The following STARD9 variants were observed in gnomAD, a reference collection of about 807,000 sequenced individuals.
STARD9 encodes stAR-related lipid transfer protein 9.
In STARD9, 346 loss-of-function variants were observed where a neutral mutation model predicts 399.8. The ratio of observed to expected loss-of-function variants is 0.87; its 90% CI spans 0.79 to 0.95. STARD9 has a LOEUF of 0.95. Among genes scored for constraint, STARD9 ranks in the 40% least tolerant of loss-of-function variants. The probability of loss-of-function intolerance (pLI) is 0.00; values close to 1 mark genes in which losing one functional copy is unlikely to be tolerated. For synonymous variants in STARD9, 2,203 were observed against 2,143.5 expected (o/e 1.03, Z -0.77); for missense variants, 5,832 against 5,667.5 (o/e 1.03, Z -0.93).
intron 6 of STARD9, among the ~76,000 whole-genome samples, chr15:42,638,441 G>A (rs1007301599): frequency 1.3e-5 from 2 of 152,076 alleles, no homozygotes; most frequent in African/African-American, 4.8e-5. Context: ...GGGAGGCGGA[G>A]GTTGCAGTGA....
At chr15:42,601,818 C>G (rs2058637064) in intron 3 of STARD9, among the ~76,000 whole-genome samples, 1 of 152,172 alleles carries the variant, frequency 6.6e-6, no homozygotes. Flanking sequence ...ACATTTTGCT[C>G]TATGGACTCT....
Position 42,719,742 on chromosome 15 carries a change from A to G in STARD9, c.*168A>G. ...TGGCCCAGGGATGCTAGCAAAGCCC[A>G]GTCAGTACTTGGTCACAGCTGGCAC... On this transcript the variant is annotated 3_prime_UTR_variant, in exon 33 of 33. Coordinates refer to ENST00000290607, the MANE Select transcript of STARD9 (RefSeq NM_020759.3). 1 of 595,444 alleles carries G rather than the reference A, an allele frequency of 1.7e-6. No individual in the cohort carries two copies. The highest frequency in any genetic ancestry group is 3.0e-5 in the Admixed American group (1 of 33,658). 36.9% of individuals were successfully genotyped at this position (595,444 alleles called of 1,614,324 possible). A position where few individuals can be genotyped will look rare whatever the true frequency, so the allele number is the denominator to read the frequency against.
intron 15 of STARD9, 144 bp downstream of exon 15, chr15:42,665,992 AC>A (rs2060093759): frequency 2.8e-6 from 2 of 710,394 alleles, no homozygotes; most frequent in African/African-American, 1.8e-5. Flanking sequence ...TTAAGCCTTG[AC>A]CGGGGGATGT....
intron 26 of STARD9, 61 bp from the exon 27 acceptor site, chr15:42,716,610 TCAGAGG>T: frequency 9.8e-7 from 1 of 1,018,858 alleles, no homozygotes; most frequent in Non-Finnish European, 1.5e-6. Flanking sequence ...GAGATGCAGT[TCAGAGG>T]CAGAGGAGAT....
chr15:42,714,353 A>C (rs2061313656), intron 26 of STARD9, among the ~76,000 whole-genome samples: 1 of 152,178 alleles, frequency 6.6e-6, no homozygotes, highest in Non-Finnish European at 1.5e-5. Context: ...GGCGTGAGCC[A>C]TCCCGCCCGG....
intron 3 of STARD9, among the ~76,000 whole-genome samples, chr15:42,633,278 AG>A (rs528091580): frequency 1.2e-3 from 179 of 152,372 alleles, no homozygotes; most frequent in South Asian, 2.7e-3. Flanking sequence ...TTATACCTAA[AG>A]AAACTGAAGT....
Position 42,718,077 on chromosome 15 carries a change from C to G in STARD9, c.13660C>G (p.Arg4554Gly). ...GAGVVSQPLS[R>G]VWAAVSDPTV... ...AGGTGTGGTGTCCCAGCCGCTGTCTCGTGTGTGGGCGGCTGTCAGTGACCC... is the reference window on the plus strand; with the variant it reads ...AGGTGTGGTGTCCCAGCCGCTGTCTGGTGTGTGGGCGGCTGTCAGTGACCC... The change falls in exon 30 of 33, where the codon CGT becomes GGT. Residue 4554 changes from arginine (R) to glycine (G), a missense_variant. By Grantham distance (125) the Arg-to-Gly change is moderately radical. This residue lies in a region of STARD9 where 5,828 missense variants were observed against 5,651.1 expected (regional missense o/e 1.03). Transcript: ENST00000290607. 6.5e-7 allele frequency: 1 copy of G among 1,537,236 alleles called. No individual in the cohort carries two copies. Among genetic ancestry groups the G allele is most frequent in the Non-Finnish European group, 8.7e-7 (1 of 1,146,902 alleles).
intron 3 of STARD9, among the ~76,000 whole-genome samples, chr15:42,593,654 CTTTTTT>C (rs71108170): frequency 1.5e-5 from 1 of 66,890 alleles, no homozygotes; most frequent in South Asian, 7.0e-4. Context: ...GGTTGTGCTT[CTTTTTT>C]TTTTTTTTTT....
At chr15:42,646,157 G>A (rs532371038) in intron 7 of STARD9, among the ~76,000 whole-genome samples, 1 of 151,950 alleles carries the variant, frequency 6.6e-6, no homozygotes, top group South Asian at 2.1e-4. Flanking sequence ...GTGAAACTCC[G>A]TCTCAACAAC....
Position 42,687,754 on chromosome 15 carries a change from A to G in STARD9, c.6176A>G (p.Asn2059Ser). ...ATTAGGAGTGTAATGCAGCTGGAAA[A>G]TGGCATCTTAGAAATTGAATCTAAG... Reference protein sequence around the residue: ...RLIRSVMQLENGILEIESKQN... With the variant: ...RLIRSVMQLESGILEIESKQN... Residue 2059 changes from asparagine to serine, a missense_variant, in exon 23 of 33, where the codon AAT becomes AGT. Asn to Ser is a conservative substitution (Grantham distance 46). Transcript: ENST00000290607. 6.5e-7 allele frequency: 1 copy of G among 1,537,606 alleles called. No homozygotes were observed. Among genetic ancestry groups the G allele is most frequent in the East Asian group, 2.4e-5 (1 of 40,922 alleles).
At chr15:42,644,169 A>T (rs904219005) in intron 7 of STARD9, among the ~76,000 whole-genome samples, 1 of 152,234 alleles carries the variant, frequency 6.6e-6, no homozygotes, top group Non-Finnish European at 1.5e-5. Context: ...GCTATATTTT[A>T]TTAAGTACGA....
chr15:42,616,226 G>T (rs909482795), intron 3 of STARD9, among the ~76,000 whole-genome samples: 1 of 152,240 alleles, frequency 6.6e-6, no homozygotes, highest in African/African-American at 2.4e-5. Context: ...AATGATTTAT[G>T]TGCAAATGAA....
chr15:42,691,598 G>C lies in STARD9; in HGVS notation c.10020G>C (p.Leu3340Phe), dbSNP rs2060704714. The C allele has an allele frequency of 5.2e-6, 8 of 1,537,250 alleles. No homozygotes were observed. Among genetic ancestry groups the C allele is most frequent in the Non-Finnish European group, 7.0e-6 (8 of 1,146,910 alleles). Residue 3340 changes from leucine (L) to phenylalanine (F), a missense_variant, in exon 23 of 33, where the codon TTG becomes TTC. This residue lies in a region of STARD9 where 5,828 missense variants were observed against 5,651.1 expected (regional missense o/e 1.03). Transcript: ENST00000290607. ...GSSRSLQELN[L>F]SVEPPSPTDE... Reference sequence around the variant, plus strand: ...CTCGTTCTCTTCAGGAGCTGAACTTGAGTGTGGAGCCTCCTTCCCCTACAG... The same window carrying C: ...CTCGTTCTCTTCAGGAGCTGAACTTCAGTGTGGAGCCTCCTTCCCCTACAG...
chr15:42,664,548 G>A (rs1331638753), intron 13 of STARD9, among the ~76,000 whole-genome samples: 2 of 151,910 alleles, frequency 1.3e-5, no homozygotes, highest in Non-Finnish European at 2.9e-5. Context: ...AAAAATTTTT[G>A]TAGAAACAAG....
chr15:42,710,908 T>C (rs2061202919), intron 26 of STARD9, among the ~76,000 whole-genome samples: 1 of 124,268 alleles, frequency 8.0e-6, no homozygotes, highest in Non-Finnish European at 1.5e-5. Flanking sequence ...TCTCTCTCTC[T>C]CTCTCTGTGT....
In STARD9 at chr15:42,690,408, A is replaced by G. The variant is rs1566944426; in HGVS notation, c.8830A>G (p.Arg2944Gly). ...PEGSRTLSPS[R>G]GKESRTLPCR... ...AGGCAGCAGGACTCTCAGCCCGTCT[A>G]GAGGGAAAGAGAGCAGAACTCTTCC... is the stretch of plus-strand genomic sequence containing the variant. Residue 2944 changes from arginine (R) to glycine (G), a missense_variant, in exon 23 of 33, where the codon AGA (arginine) becomes GGA (glycine). Around this residue, in one of 2 missense-constraint regions of STARD9, gnomAD observed 5,828 missense variants for 5,651.1 expected, o/e 1.03. Transcript: ENST00000290607. 2 of 1,537,270 alleles carry G rather than the reference A, an allele frequency of 1.3e-6. No individual in the cohort carries two copies. The highest frequency in any genetic ancestry group is 4.9e-5 in the East Asian group (2 of 40,922).
chr15:42,596,431 G>T (rs1185619746), intron 3 of STARD9, among the ~76,000 whole-genome samples: 1 of 152,154 alleles, frequency 6.6e-6, no homozygotes, highest in Non-Finnish European at 1.5e-5. Flanking sequence ...TGATTACTTT[G>T]AGAGTCTTTG....
rs61712813 is a variant in STARD9 at position 42,626,246 on chromosome 15, T to TTCTTCC, written c.235-8589_235-8584dup. ...GCAAGAGTTTTAATTCTTCTTCTTC[T>TTCTTCC]TCTTCCTCTTCCTCTTCCTCTTCCT... On this transcript the variant is annotated intron_variant, in intron 3 of 32. Coordinates refer to ENST00000290607, the MANE Select transcript of STARD9 (RefSeq NM_020759.3). Among the ~76,000 whole-genome samples, 50 of 151,640 alleles carry TTCTTCC rather than the reference T, an allele frequency of 3.3e-4. 1 individual carries two copies. The South Asian group carries it at 5.0e-3, about 15-fold the overall frequency.
rs572375200 is a variant in STARD9, at chr15:42,707,424, G to A, written c.13285-9253G>A. 7.2e-5 allele frequency among the ~76,000 whole-genome samples: 11 copies of A among 151,780 alleles called. No homozygotes were observed. In the East Asian group the frequency reaches 1.6e-3, roughly 21 times the overall value. On this transcript the variant is annotated intron_variant, in intron 26 of 32. Transcript: ENST00000290607. ...GAAATATTAATACTATGCAAGACTC[G>A]AAATCAGCAGATTAAACACCTAGGC...
Sources: gnomAD v4.1 joint callset for allele counts (sites outside exome capture counted in the v4.1 genomes callset) on GRCh38, gnomAD v4.1.1 for gene constraint, gnomAD v4.1.1 regional missense constraint, MANE v1.5 for transcripts, NCBI Gene and HGNC (gene_info 2026-07-23, HGNC 2026-07-21) for gene names.